The following MYBBP1A variants were observed in gnomAD, a reference collection of about 807,000 sequenced individuals.
MYBBP1A encodes MYB binding protein 1a, also known as myb-binding protein 1A.
A neutral mutation model predicts 136.3 loss-of-function variants in MYBBP1A; 147 were observed. The observed-to-expected ratio is 1.08, with a 90% confidence interval of 0.94 to 1.24. The LOEUF is 1.24. Among genes scored for constraint, MYBBP1A ranks in the 50% most tolerant of loss-of-function variants. The pLI is 0.00. For synonymous variants in MYBBP1A, 947 were observed against 735.8 expected (o/e 1.29, Z -4.65); for missense variants, 2,060 against 1,727.4 (o/e 1.19, Z -3.41).
In MYBBP1A at chr17:4,550,292, C is replaced by T. The variant is rs1907395908; in HGVS notation, c.1085G>A (p.Gly362Glu). The T allele has an allele frequency of 2.5e-6, 4 of 1,613,170 alleles. No individual in the cohort carries two copies. The highest frequency in any genetic ancestry group is 3.4e-6 in the Non-Finnish European group (4 of 1,179,954). ...CTGCCGCTCAGGGTCATCCTGGCAC[C>T]CCTCTAGGAAGGTGCCCACGTAATC... Reference protein sequence around the residue: ...MDDYVGTFLEGCQDDPERQLA... With the variant: ...MDDYVGTFLEECQDDPERQLA... Residue 362 changes from glycine to glutamate, a missense_variant, in exon 9 of 26, where the codon GGG becomes GAG. Coordinates refer to ENST00000254718, the MANE Select transcript of MYBBP1A (RefSeq NM_014520.4).
intron 2 of MYBBP1A, among the ~76,000 whole-genome samples, chr17:4,554,608 T>C (rs983128608): frequency 2.0e-5 from 3 of 152,196 alleles, no homozygotes; most frequent in African/African-American, 7.2e-5. Flanking sequence ...CACCCAGCGC[T>C]CACTGCTCCC....
At chr17:4,540,060 T>C (rs1191462311) in intron 25 of MYBBP1A, 93 bp from the exon 26 acceptor site, 3 of 1,431,708 alleles carry the variant, frequency 2.1e-6, no homozygotes, top group African/African-American at 2.8e-5. Context: ...CTGAGGGTCC[T>C]CTGAGGCCCC....
intron 13 of MYBBP1A, 149 bp downstream of exon 13, chr17:4,547,809 T>C (rs1907131634): frequency 3.3e-6 from 2 of 604,610 alleles, no homozygotes; most frequent in South Asian, 2.6e-5. Flanking sequence ...TGTTTCCACC[T>C]GTGACAAAGT....
Position 4,539,602 on chromosome 17 carries a change from G to GACCCGGGAGCTCCATTC in MYBBP1A, c.3783_3799dup (p.Ser1267Ter), listed in dbSNP as rs1906161290. On this transcript the variant is annotated stop_gained and frameshift_variant, in exon 26 of 26. Coordinates refer to ENST00000254718, the MANE Select transcript of MYBBP1A (RefSeq NM_014520.4). LOFTEE classifies it low-confidence loss of function (END_TRUNC). ...CTTTTGGCCTGCAGGTTCCGTGGGG[G>GACCCGGGAGCTCCATTC]ACCCGGGAGCTCCATTCACCTGGGA... is the stretch of plus-strand genomic sequence containing the variant. The GACCCGGGAGCTCCATTC allele has an allele frequency of 6.2e-7, 1 of 1,613,992 alleles. No individual in the cohort carries two copies. The highest frequency in any genetic ancestry group is 1.1e-5 in the South Asian group (1 of 91,084).
rs1906932601 is a variant in MYBBP1A, at chr17:4,545,619, T to C, written c.2064A>G (p.Leu688=). The C allele has an allele frequency of 4.4e-6, 7 of 1,588,014 alleles. No individual in the cohort carries two copies. Among genetic ancestry groups the C allele is most frequent in the Non-Finnish European group, 5.2e-6 (6 of 1,163,496 alleles). ...CSHLTPRALQ[L]ILDVLNPETS... is the part of the protein sequence containing the mutation. ...AAAGGTCCCAACTCACATCCAGAAT[T>C]AGCTGCAGGGCACGCGGGGTCAGGT... Residue 688 remains leucine (L), a synonymous_variant, in exon 15 of 26, where the codon CTA becomes CTG. Coordinates refer to ENST00000254718, the MANE Select transcript of MYBBP1A (RefSeq NM_014520.4).
intron 24 of MYBBP1A, 146 bp downstream of exon 24, chr17:4,541,317 C>A (rs2144422265): frequency 2.7e-6 from 2 of 746,206 alleles, no homozygotes; most frequent in Non-Finnish European, 4.6e-6. Flanking sequence ...CAAATGGCAG[C>A]CCAGAGCCCT....
chr17:4,552,435 C>A lies in MYBBP1A; in HGVS notation c.737+16G>T, dbSNP rs574600372. 1 of 1,610,608 alleles carries A rather than the reference C, an allele frequency of 6.2e-7. No homozygotes were observed. Among genetic ancestry groups the A allele is most frequent in the Admixed American group, 1.7e-5 (1 of 59,982 alleles). On this transcript the variant is annotated intron_variant, in intron 6 of 25. Coordinates refer to ENST00000254718, the MANE Select transcript of MYBBP1A (RefSeq NM_014520.4). This position sits in a 1 kb window ranked among gnomAD's most constrained non-coding sequence, Gnocchi z 4.7. ...CTTGGCCCCAGGGAGGGCAAATCCG[C>A]CCACCTCCATCACACCTGGGGACAT...
Position 4,548,433 on chromosome 17 carries a change from G to A in MYBBP1A, c.1556+91C>T. On this transcript the variant is annotated intron_variant, in intron 11 of 25. Transcript: ENST00000254718. The surrounding 1 kb of genome is among the most constrained non-coding windows in gnomAD (Gnocchi z 4.2). ...ACCTACTAGAACTCCGGGGGCCTCT[G>A]CCGTTGTTCCCAGCTTAGGGGACCT... 1 of 1,607,484 alleles carries A rather than the reference G, an allele frequency of 6.2e-7. No homozygotes were observed. The highest frequency in any genetic ancestry group is 1.1e-5 in the South Asian group (1 of 90,832).
chr17:4,545,122 G>A lies in MYBBP1A; in HGVS notation c.2214C>T (p.Ser738=), dbSNP rs568642548. 9.8e-5 allele frequency: 158 copies of A among 1,610,638 alleles called. 2 individuals carry two copies. The South Asian group carries it at 1.3e-3, about 14-fold the overall frequency. ...CCTCCTCCTCGCTCTCCTCCCCCTC[G>A]CTCTCCTCTTCACTCTCTGAGCTTC... ...DNRSSESEEE[S]EGEESEEEER... Residue 738 remains serine, a synonymous_variant, in exon 17 of 26, where the codon AGC becomes AGT. Coordinates refer to ENST00000254718, the MANE Select transcript of MYBBP1A (RefSeq NM_014520.4).
rs937617589 is a variant in MYBBP1A, at chr17:4,542,663, T to C, written c.2971A>G (p.Ser991Gly). The change falls in exon 21 of 26, where the codon AGC becomes GGC. Residue 991 changes from serine to glycine, a missense_variant. Transcript: ENST00000254718. ...AGGAACATGGGAACTGTGAGGGGGC[T>C]GTTGCGCTTGGTCAGGAAGGAGCTC... ...ALSSFLTKRN[S>G]PLTVPMFLSL... 6.2e-7 allele frequency: 1 copy of C among 1,613,962 alleles called. No homozygotes were observed. The highest frequency in any genetic ancestry group is 1.7e-5 in the Admixed American group (1 of 60,018).
chr17:4,551,805 C>G, intron 8 of MYBBP1A, 75 bp downstream of exon 8: 1 of 1,366,004 alleles, frequency 7.3e-7, no homozygotes, highest in Non-Finnish European at 1.0e-6. Flanking sequence ...CCGAGGTGCC[C>G]TGCTCCCCTT....
chr17:4,543,257 G>C, intron 19 of MYBBP1A, 92 bp from the exon 20 acceptor site: 1 of 1,459,364 alleles, frequency 6.9e-7, no homozygotes, highest in Middle Eastern at 1.8e-4. Flanking sequence ...TTTATAAGTG[G>C]GGAAACAGAC....
Position 4,554,796 on chromosome 17 carries a change from C to T in MYBBP1A, c.294+65G>A, listed in dbSNP as rs563496642. 3.8e-4 allele frequency: 568 copies of T among 1,498,208 alleles called. 3 individuals are homozygous for T. The African/African-American group carries it at 7.0e-3, about 19-fold the overall frequency. 92.8% of individuals were successfully genotyped at this position (1,498,208 alleles called of 1,614,324 possible). On this transcript the variant is annotated intron_variant, in intron 2 of 25. Transcript: ENST00000254718. The stretch of plus-strand genomic sequence containing the variant: ...TCCGCCACAGCTGAGACACCACACC[C>T]GCCCTCCTCATACCCCACCATTTTG...
rs778254184 is a variant in MYBBP1A at position 4,545,089 on chromosome 17, GTCGCGCTCCTCCTCC to G, written c.2232_2246del (p.Glu744_Arg748del). ...CCCGGAAGCCCTGATCCACGTCCCCGTCGCGCTCCTCCTCCTCGCTCTCCTCCCCCTCGCTCTCCT... is the reference window on the plus strand; with the variant it reads ...CCCGGAAGCCCTGATCCACGTCCCCGTCGCTCTCCTCCCCCTCGCTCTCCT... On this transcript the variant is annotated inframe_deletion, in exon 17 of 26. Transcript: ENST00000254718. The G allele has an allele frequency of 6.4e-6, 10 of 1,574,176 alleles. No homozygotes were observed. Among genetic ancestry groups the G allele is most frequent in the South Asian group, 1.1e-5 (1 of 87,934 alleles).
At chr17:4,542,866 C>G (rs760351918) in intron 20 of MYBBP1A, 47 bp downstream of exon 20, 5 of 1,608,934 alleles carry the variant, frequency 3.1e-6, no homozygotes, top group Admixed American at 1.7e-5. Flanking sequence ...CCTCCACTCC[C>G]TGGCTGTGAA....
chr17:4,552,722 G>A lies in MYBBP1A; in HGVS notation c.562-96C>T. 8.4e-7 allele frequency: 1 copy of A among 1,190,420 alleles called. No individual in the cohort carries two copies. The highest frequency in any genetic ancestry group is 1.2e-6 in the Non-Finnish European group (1 of 855,904). The allele number at this position is 1,190,420 out of a possible 1,614,324, so 73.7% of individuals were successfully genotyped here. ...TCCTGACACGGGGCCACCTGGTGAG[G>A]TATCAGAGTCATCAGAGGCCAGTTG... is the stretch of plus-strand genomic sequence containing the variant. On this transcript the variant is annotated intron_variant, in intron 5 of 25. Transcript: ENST00000254718. The surrounding 1 kb of genome is among the most constrained non-coding windows in gnomAD (Gnocchi z 4.7).
In MYBBP1A at chr17:4,544,675, C is replaced by CG. The variant is rs751906369; in HGVS notation, c.2482-30dup. The CG allele has an allele frequency of 1.0e-4, 105 of 1,050,502 alleles. 1 individual carries two copies. In the East Asian group the frequency reaches 4.4e-3, roughly 44 times the overall value. The allele number at this position is 1,050,502 out of a possible 1,614,324, so 65.1% of individuals were successfully genotyped here. ...CAGCCAGGAGGGCAGGTCAGCAACA[C>CG]GGGGGTGGGCGCACAGGGAGGCGGG... On this transcript the variant is annotated intron_variant, in intron 18 of 25. Transcript: ENST00000254718.
At chr17:4,542,232 G>T (rs1464885064) in intron 22 of MYBBP1A, 1 of 593,244 alleles carries the variant, frequency 1.7e-6, no homozygotes, top group Non-Finnish European at 3.0e-6. Flanking sequence ...AGTGGCTGCG[G>T]GAGTGAGGCT....
chr17:4,554,978 C>A (rs767236951), intron 1 of MYBBP1A, 22 bp from the exon 2 acceptor site: 125 of 1,612,410 alleles, frequency 7.8e-5, no homozygotes, highest in Non-Finnish European at 1.0e-4. Context: ...AGCACACCCT[C>A]GTGTTCAATG....
Sources: gnomAD v4.1 joint callset for allele counts (sites outside exome capture counted in the v4.1 genomes callset) on GRCh38, gnomAD v4.1.1 for gene constraint, Gnocchi (gnomAD v3.1) non-coding constraint, MANE v1.5 for transcripts, NCBI Gene and HGNC (gene_info 2026-07-23, HGNC 2026-07-21) for gene names.